The following AP3B1 variants were observed in gnomAD, a reference collection of about 807,000 sequenced individuals.
AP3B1 encodes the protein AP-3 complex subunit beta-1.
AP3B1 carries 61 observed loss-of-function variants against 132.5 expected under a neutral mutation model. The observed-to-expected ratio is 0.46, with a 90% CI of 0.37 to 0.57. The LOEUF (loss-of-function observed/expected upper bound fraction) is 0.57, where lower values mean the gene tolerates loss of function less well. Ranked by LOEUF, AP3B1 falls within the 20% of genes least tolerant of loss-of-function variation. The probability of loss-of-function intolerance (pLI) is 0.00; values close to 1 mark genes in which losing one functional copy is unlikely to be tolerated. For missense variants in AP3B1, 1,120 were observed against 1,289.4 expected (o/e 0.87, Z 2.01); for synonymous variants, 388 against 438.3 (o/e 0.89, Z 1.43).
intron 3 of AP3B1, among the ~76,000 whole-genome samples, chr5:78,230,542 C>A (rs1428365540): frequency 1.3e-5 from 2 of 152,176 alleles, no homozygotes; most frequent in Non-Finnish European, 2.9e-5. Flanking sequence ...GTACTCAATA[C>A]AGTTTATAAT....
At chr5:78,195,314 T>C (rs1325300648) in intron 7 of AP3B1, among the ~76,000 whole-genome samples, 5 of 152,206 alleles carry the variant, frequency 3.3e-5, no homozygotes, top group African/African-American at 2.4e-5. Flanking sequence ...TACTTTTATG[T>C]ATGTTTAAAG....
intron 22 of AP3B1, among the ~76,000 whole-genome samples, chr5:78,088,677 T>C (rs1388451716): frequency 6.6e-6 from 1 of 152,194 alleles, no homozygotes; most frequent in Non-Finnish European, 1.5e-5. Context: ...ATTCTGTCTC[T>C]TAGTCTGTCA....
intron 22 of AP3B1, among the ~76,000 whole-genome samples, chr5:78,048,479 G>C (rs1268966694): frequency 6.6e-6 from 1 of 152,076 alleles, no homozygotes; most frequent in Non-Finnish European, 1.5e-5. Context: ...ACTGGTTCAG[G>C]GATGGACATT....
chr5:78,249,338 T>C (rs1428352279), intron 2 of AP3B1, among the ~76,000 whole-genome samples: 1 of 152,160 alleles, frequency 6.6e-6, no homozygotes, highest in Non-Finnish European at 1.5e-5. Context: ...CACTCCAGCC[T>C]GGGCGACAAG....
At position 78,254,512 on chromosome 5, in the gene AP3B1, G is replaced by A. The variant is rs1040074560; in HGVS notation, c.204+13008C>T. Among the ~76,000 whole-genome samples, 33 of 152,312 alleles carry A rather than the reference G, an allele frequency of 2.2e-4. 1 individual carries two copies. Among genetic ancestry groups the A allele is most frequent in the African/African-American group, 7.9e-4 (33 of 41,576 alleles). On this transcript the variant is annotated intron_variant, in intron 2 of 26. Coordinates refer to ENST00000255194, the MANE Select transcript of AP3B1 (RefSeq NM_003664.5). ...ACAACGGAGCTCCAATATGGTGGCAGTAGACTTTTCAGTGGAAACAGGTAA... is the reference window on the plus strand; with the variant it reads ...ACAACGGAGCTCCAATATGGTGGCAATAGACTTTTCAGTGGAAACAGGTAA...
intron 22 of AP3B1, among the ~76,000 whole-genome samples, chr5:78,046,715 TA>T (rs397830194): frequency 6.6e-6 from 1 of 151,872 alleles, no homozygotes; most frequent in African/African-American, 2.4e-5. Flanking sequence ...TTTTTTTTTT[TA>T]AAATACTTTA....
intron 2 of AP3B1, among the ~76,000 whole-genome samples, chr5:78,250,385 G>C (rs1747580594): frequency 6.6e-6 from 1 of 152,090 alleles, no homozygotes; most frequent in Non-Finnish European, 1.5e-5. Context: ...GTGCTCTCAG[G>C]CTCCTTACCC....
intron 2 of AP3B1, among the ~76,000 whole-genome samples, chr5:78,244,105 A>G (rs10062525): frequency 0.27 from 41,425 of 152,110 alleles, 5,856 homozygotes; most frequent in Middle Eastern, 0.33. Flanking sequence ...TATAAGAAAG[A>G]AGGGACATGA....
chr5:78,206,952 T>C (rs1165156096), intron 7 of AP3B1, among the ~76,000 whole-genome samples: 1 of 151,992 alleles, frequency 6.6e-6, no homozygotes, highest in Non-Finnish European at 1.5e-5. Flanking sequence ...CGAAATCCTG[T>C]GTTTATAAAA....
At chr5:78,184,376 AG>A (rs1744507347) in intron 7 of AP3B1, among the ~76,000 whole-genome samples, 1 of 152,014 alleles carries the variant, frequency 6.6e-6, no homozygotes, top group Admixed American at 6.6e-5. Context: ...AAAATAGACT[AG>A]GGACAAAAAA....
intron 17 of AP3B1, among the ~76,000 whole-genome samples, chr5:78,120,079 C>A (rs868850575): frequency 4.6e-5 from 7 of 152,120 alleles, no homozygotes; most frequent in South Asian, 2.1e-4. Context: ...AATTTCATAT[C>A]CAGCCAAACT....
intron 21 of AP3B1, among the ~76,000 whole-genome samples, chr5:78,098,547 A>G (rs1258853596): frequency 6.6e-6 from 1 of 152,208 alleles, no homozygotes; most frequent in African/African-American, 2.4e-5. Context: ...GTAAATTATG[A>G]AGGTTACAAA....
intron 8 of AP3B1, among the ~76,000 whole-genome samples, chr5:78,179,612 C>T (rs1228155453): frequency 6.6e-6 from 1 of 152,146 alleles, no homozygotes; most frequent in Non-Finnish European, 1.5e-5. Context: ...ATCCTATAAA[C>T]ACTTTTCTAC....
chr5:78,064,447 A>C (rs1749192733), intron 22 of AP3B1, among the ~76,000 whole-genome samples: 2 of 152,128 alleles, frequency 1.3e-5, no homozygotes, highest in South Asian at 4.1e-4. Context: ...TTAACCTTTA[A>C]TTACAGCCGT....
chr5:78,280,445 G>A (rs141650760), intron 1 of AP3B1, among the ~76,000 whole-genome samples: 147 of 152,150 alleles, frequency 9.7e-4, no homozygotes, highest in African/African-American at 3.2e-3. Flanking sequence ...ATCTTTGTTG[G>A]CTCACATGGC....
chr5:78,221,749 GAATT>G (rs772926822), intron 6 of AP3B1, among the ~76,000 whole-genome samples: 11 of 151,440 alleles, frequency 7.3e-5, no homozygotes, highest in African/African-American at 2.2e-4. Context: ...AAAAATAACA[GAATT>G]AATATTTAAA....
chr5:78,181,390 T>C lies in AP3B1; in HGVS notation c.942+117A>G, dbSNP rs1023231394. 59 of 921,120 alleles carry C rather than the reference T, an allele frequency of 6.4e-5. No individual in the cohort carries two copies. The Middle Eastern group carries it at 2.9e-3, about 45-fold the overall frequency. The allele number at this position is 921,120 out of a possible 1,614,324, so 57.1% of individuals were successfully genotyped here. A position where few individuals can be genotyped will look rare whatever the true frequency, so the allele number is the denominator to read the frequency against. On this transcript the variant is annotated intron_variant, in intron 8 of 26. Transcript: ENST00000255194. ...CAACTATCCATTACATGTCATTTGG[T>C]GTGTAAACAAACAAATGCTCCATTA...
chr5:78,065,370 G>T (rs916805185), intron 22 of AP3B1, among the ~76,000 whole-genome samples: 1 of 152,106 alleles, frequency 6.6e-6, no homozygotes, highest in Non-Finnish European at 1.5e-5. Context: ...GCAGGGGAAG[G>T]GGGGCAGCTG....
intron 15 of AP3B1, among the ~76,000 whole-genome samples, chr5:78,134,128 G>C (rs1280251807): frequency 7.6e-6 from 1 of 130,916 alleles, no homozygotes; most frequent in African/African-American, 3.1e-5. Flanking sequence ...TGCAGCCCGG[G>C]CGACACAGCA....
Sources: allele counts gnomAD v4.1 joint callset (sites outside exome capture counted in the v4.1 genomes callset), GRCh38; gene constraint gnomAD v4.1.1; transcripts MANE v1.5; gene names NCBI Gene and HGNC (gene_info 2026-07-23, HGNC 2026-07-21).